The following CDH4 variants were observed in gnomAD, a reference collection of about 807,000 sequenced individuals.
CDH4 encodes cadherin 4.
Under a neutral mutation model 86.0 loss-of-function variants are expected in CDH4, and 33 were observed. The observed-to-expected ratio is 0.38, with a 90% confidence interval of 0.29 to 0.51. The LOEUF (loss-of-function observed/expected upper bound fraction) is 0.51. CDH4 is among the 20% of genes least tolerant of loss of function. The pLI is 0.86. For missense variants in CDH4, 1,114 were observed against 1,307.4 expected (o/e 0.85, Z 2.28); for synonymous variants, 555 against 549.4 (o/e 1.01, Z -0.14).
chr20:61,835,478 GC>G (rs1981828653), intron 4 of CDH4, among the ~76,000 whole-genome samples: 1 of 152,206 alleles, frequency 6.6e-6, no homozygotes, highest in African/African-American at 2.4e-5. Context: ...CAGCCACCCA[GC>G]CCCTGCCATC....
intron 2 of CDH4, among the ~76,000 whole-genome samples, chr20:61,693,191 G>T (rs538349000): frequency 1.3e-5 from 2 of 152,254 alleles, no homozygotes; most frequent in African/African-American, 4.8e-5. Flanking sequence ...GATGAAGGCG[G>T]GTACGAGCAG....
intron 2 of CDH4, among the ~76,000 whole-genome samples, chr20:61,465,797 A>G (rs1485898070): frequency 6.6e-6 from 1 of 152,136 alleles, no homozygotes; most frequent in Non-Finnish European, 1.5e-5. Flanking sequence ...GTTAGAAATC[A>G]TAAACCAGAA....
intron 14 of CDH4, among the ~76,000 whole-genome samples, chr20:61,933,785 G>T (rs1366033743): frequency 6.6e-6 from 1 of 152,244 alleles, no homozygotes. Flanking sequence ...TGAGCAGCGT[G>T]GTGGTGAGGT....
chr20:61,620,364 G>A (rs2086765945), intron 2 of CDH4, among the ~76,000 whole-genome samples: 1 of 151,918 alleles, frequency 6.6e-6, no homozygotes, highest in African/African-American at 2.4e-5. Context: ...GATGATGATG[G>A]ATGATAGATA....
chr20:61,539,314 A>C (rs2086021863), intron 2 of CDH4, among the ~76,000 whole-genome samples: 2 of 152,178 alleles, frequency 1.3e-5, no homozygotes, highest in African/African-American at 4.8e-5. Flanking sequence ...GGACCAACCA[A>C]GCACCACTCC....
At chr20:61,358,451 G>A (rs1444475510) in intron 2 of CDH4, among the ~76,000 whole-genome samples, 1 of 152,236 alleles carries the variant, frequency 6.6e-6, no homozygotes, top group Non-Finnish European at 1.5e-5. Context: ...GCCTGGGGCA[G>A]AGCGAACATT....
At chr20:61,848,256 G>A (rs1455885303) in intron 5 of CDH4, among the ~76,000 whole-genome samples, 2 of 152,210 alleles carry the variant, frequency 1.3e-5, no homozygotes, top group East Asian at 1.9e-4. Context: ...AGATGAGGGA[G>A]CCCAGGGCGG....
intron 2 of CDH4, among the ~76,000 whole-genome samples, chr20:61,313,560 C>T (rs564070971): frequency 7.4e-4 from 113 of 152,304 alleles, no homozygotes; most frequent in African/African-American, 2.4e-3. Context: ...GTGGATTTCA[C>T]GATCAGACGG....
intron 2 of CDH4, among the ~76,000 whole-genome samples, chr20:61,303,354 G>C (rs1281815879): frequency 6.6e-6 from 1 of 152,206 alleles, no homozygotes; most frequent in African/African-American, 2.4e-5. Flanking sequence ...CCTGGTGCTG[G>C]TCAAGGCCAC....
At chr20:61,553,595 C>G (rs1248431981) in intron 2 of CDH4, among the ~76,000 whole-genome samples, 2 of 152,234 alleles carry the variant, frequency 1.3e-5, no homozygotes, top group African/African-American at 4.8e-5. Context: ...TAGGGAATGC[C>G]TGCACCCTGC....
At chr20:61,838,836 AAAG>A (rs1433635649) in intron 4 of CDH4, among the ~76,000 whole-genome samples, 14 of 121,086 alleles carry the variant, frequency 1.2e-4, no homozygotes, top group South Asian at 3.0e-4. Context: ...AAAAAAAAAA[AAAG>A]AAAGAAAGAA....
chr20:61,718,963 G>T (rs146695640), intron 2 of CDH4: 3 of 471,090 alleles, frequency 6.4e-6, no homozygotes, highest in Admixed American at 4.7e-5. Flanking sequence ...TTCTCTCCTC[G>T]CCCTGCCCCC....
chr20:61,457,086 A>G (rs1013664699), intron 2 of CDH4, among the ~76,000 whole-genome samples: 1 of 152,128 alleles, frequency 6.6e-6, no homozygotes, highest in African/African-American at 2.4e-5. Context: ...TACAGCATCC[A>G]CCTGAAACAG....
At chr20:61,752,804 G>A (rs1439230503) in intron 3 of CDH4, among the ~76,000 whole-genome samples, 3 of 152,274 alleles carry the variant, frequency 2.0e-5, no homozygotes, top group East Asian at 1.9e-4. Context: ...CCGAGTGACC[G>A]CACTCCCATG....
At chr20:61,450,881 T>C (rs188480946) in intron 2 of CDH4, among the ~76,000 whole-genome samples, 1 of 149,880 alleles carries the variant, frequency 6.7e-6, no homozygotes, top group African/African-American at 2.4e-5. Context: ...CTGACAACAG[T>C]GGCCACCCAG....
rs540791590 is a variant in CDH4 at position 61,842,819 on chromosome 20, G to A, written c.577-1849G>A. ...TGTTCCTTTCCTTGTGGGATTGAGC[G>A]TTTGGTTTGTTGGCTGTAATTCCAT... On this transcript the variant is annotated intron_variant, in intron 4 of 15. Coordinates refer to ENST00000614565, the MANE Select transcript of CDH4 (RefSeq NM_001794.5). 3.9e-5 allele frequency among the ~76,000 whole-genome samples: 6 copies of A among 152,200 alleles called. 1 individual carries two copies. Among genetic ancestry groups the A allele is most frequent in the South Asian group, 4.1e-4 (2 of 4,820 alleles).
chr20:61,486,893 A>G (rs2085599839), intron 2 of CDH4, among the ~76,000 whole-genome samples: 1 of 152,134 alleles, frequency 6.6e-6, no homozygotes, highest in Non-Finnish European at 1.5e-5. Context: ...TGTCTCTAAA[A>G]AATAATAAAA....
chr20:61,473,038 C>T (rs1227457043), intron 2 of CDH4, among the ~76,000 whole-genome samples: 1 of 152,040 alleles, frequency 6.6e-6, no homozygotes, highest in Non-Finnish European at 1.5e-5. Context: ...GGGATTGAGC[C>T]CTGATTCCTA....
chr20:61,450,614 A>T (rs1422981703), intron 2 of CDH4, among the ~76,000 whole-genome samples: 1 of 151,952 alleles, frequency 6.6e-6, no homozygotes, highest in South Asian at 2.1e-4. Flanking sequence ...ATCTATGTCT[A>T]TTCCTATTAA....
Sources: allele counts gnomAD v4.1 joint callset (sites outside exome capture counted in the v4.1 genomes callset), GRCh38; gene constraint gnomAD v4.1.1; transcripts MANE v1.5; gene names NCBI Gene and HGNC (gene_info 2026-07-23, HGNC 2026-07-21).